CSMD1: variants seen among roughly 807,000 people sequenced by gnomAD.
The protein encoded by CSMD1 is CUB and sushi domain-containing protein 1.
In CSMD1, 213 loss-of-function variants were observed where a neutral mutation model predicts 417.5. The ratio of observed to expected loss-of-function variants is 0.51; its 90% confidence interval spans 0.46 to 0.57. The LOEUF (loss-of-function observed/expected upper bound fraction) is 0.57, where lower values mean the gene tolerates loss of function less well. CSMD1 is among the 20% of genes least tolerant of loss of function. The pLI is 0.00. For missense variants in CSMD1, 6,923 were observed against 4,529.7 expected (o/e 1.53, Z -15.17); for synonymous variants, 2,862 against 1,736.8 (o/e 1.65, Z -16.11).
At chr8:3,964,025 G>A (rs1003820140) in intron 5 of CSMD1, among the ~76,000 whole-genome samples, 2 of 152,174 alleles carry the variant, frequency 1.3e-5, no homozygotes, top group East Asian at 1.9e-4. Context: ...GAAACTTCAT[G>A]CTTTGCATAA....
intron 5 of CSMD1, among the ~76,000 whole-genome samples, chr8:3,979,174 C>A (rs1204940507): frequency 2.0e-5 from 3 of 152,204 alleles, no homozygotes; most frequent in Non-Finnish European, 2.9e-5. Flanking sequence ...CCTGTGAGAT[C>A]TTAGCACACT....
intron 3 of CSMD1, among the ~76,000 whole-genome samples, chr8:4,257,933 C>A (rs1037932082): frequency 6.6e-6 from 1 of 152,122 alleles, no homozygotes; most frequent in Non-Finnish European, 1.5e-5. Context: ...AAAATAATAG[C>A]CTTTTTCAAA....
intron 3 of CSMD1, among the ~76,000 whole-genome samples, chr8:4,302,941 T>A (rs774142655): frequency 9.2e-5 from 14 of 151,962 alleles, no homozygotes; most frequent in Admixed American, 2.6e-4. Flanking sequence ...AAATGCTGCT[T>A]CCCTTTATGC....
At chr8:4,371,241 A>T (rs75240398) in intron 3 of CSMD1, among the ~76,000 whole-genome samples, 1,886 of 152,172 alleles carry the variant, frequency 0.012, 33 homozygotes, top group African/African-American at 0.042. Context: ...GGGGATTAGG[A>T]CCAGGTCAGC....
chr8:3,359,378 T>C (rs1414039610), intron 20 of CSMD1, 38 bp from the exon 21 acceptor site: 3 of 1,526,252 alleles, frequency 2.0e-6, no homozygotes, highest in Middle Eastern at 1.7e-4. Flanking sequence ...CATGAGGATT[T>C]GGGTAAATAC....
chr8:3,114,127 C>G (rs1010873443), intron 42 of CSMD1, among the ~76,000 whole-genome samples: 2 of 152,092 alleles, frequency 1.3e-5, no homozygotes, highest in Non-Finnish European at 2.9e-5. Context: ...GCCTGTGGTC[C>G]TAGCCACTTG....
chr8:3,247,437 C>T (rs1019828840), intron 26 of CSMD1, among the ~76,000 whole-genome samples: 1 of 152,174 alleles, frequency 6.6e-6, no homozygotes, highest in Non-Finnish European at 1.5e-5. Context: ...CCTTGTATCT[C>T]TGACAAACCA....
In CSMD1 at chr8:4,743,489, G is replaced by A. The variant is rs146462288; in HGVS notation, c.86-105931C>T. ...ACGGGCCGGTCAGAAACACCGGAGCGTCAAGTACCATGAACCTCCTGCTTT... is the reference window on the plus strand; with the variant it reads ...ACGGGCCGGTCAGAAACACCGGAGCATCAAGTACCATGAACCTCCTGCTTT... On this transcript the variant is annotated intron_variant, in intron 1 of 69. Coordinates refer to ENST00000635120, the MANE Select transcript of CSMD1 (RefSeq NM_033225.6). 4.7e-4 allele frequency among the ~76,000 whole-genome samples: 72 copies of A among 152,250 alleles called. No homozygotes were observed. In the South Asian group the frequency reaches 8.1e-3, roughly 17 times the overall value.
At chr8:2,963,023 G>C (rs530196320) in intron 60 of CSMD1, among the ~76,000 whole-genome samples, 199 bp downstream of exon 60, 1 of 152,170 alleles carries the variant, frequency 6.6e-6, no homozygotes, top group African/African-American at 2.4e-5. Context: ...ACTCCATCCT[G>C]GGCAACAGAG....
At chr8:4,988,861 C>T (rs533599181) in intron 1 of CSMD1, among the ~76,000 whole-genome samples, 3 of 152,362 alleles carry the variant, frequency 2.0e-5, no homozygotes, top group South Asian at 2.1e-4. Flanking sequence ...TTCCATAAAG[C>T]TCCCTATAAT....
rs758675417 is a variant in CSMD1, at chr8:4,566,952, G to A, written c.302+70390C>T. Among the ~76,000 whole-genome samples, 37 of 139,384 alleles carry A rather than the reference G, an allele frequency of 2.7e-4. 1 individual carries two copies. The highest frequency in any genetic ancestry group is 4.3e-4 in the Non-Finnish European group (27 of 62,604). 91.4% of individuals were successfully genotyped at this position (139,384 alleles called of 152,430 possible). A position where few individuals can be genotyped will look rare whatever the true frequency, so the allele number is the denominator to read the frequency against. On this transcript the variant is annotated intron_variant, in intron 2 of 69. Coordinates refer to ENST00000635120, the MANE Select transcript of CSMD1 (RefSeq NM_033225.6). ...AAACTTTAAAATAACTCTAGCAATC[G>A]AGACTTTAGCAGTCTCTGGAGAAAA... is the stretch of plus-strand genomic sequence containing the variant.
intron 10 of CSMD1, among the ~76,000 whole-genome samples, chr8:3,514,482 A>G (rs556286255): frequency 3.7e-4 from 56 of 152,314 alleles, no homozygotes; most frequent in African/African-American, 1.3e-3. Context: ...CCAGGCTTCA[A>G]TTTTTGGAAT....
At chr8:4,465,612 ATTAAG>A (rs754196786) in intron 2 of CSMD1, among the ~76,000 whole-genome samples, 53 of 152,314 alleles carry the variant, frequency 3.5e-4, no homozygotes, top group Non-Finnish European at 6.5e-4. Context: ...GTTGAGGATT[ATTAAG>A]TTAAGGCCTC....
At chr8:3,795,003 TATAA>T (rs1250499415) in intron 5 of CSMD1, among the ~76,000 whole-genome samples, 1 of 151,208 alleles carries the variant, frequency 6.6e-6, no homozygotes, top group African/African-American at 2.4e-5. Context: ...CATGTATAGC[TATAA>T]ATACATATCT....
At chr8:4,819,109 C>T (rs112491466) in intron 1 of CSMD1, among the ~76,000 whole-genome samples, 2 of 152,164 alleles carry the variant, frequency 1.3e-5, no homozygotes, top group Non-Finnish European at 2.9e-5. Context: ...GCTATTCTAT[C>T]GAAAAGCAAC....
intron 54 of CSMD1, among the ~76,000 whole-genome samples, chr8:2,984,338 C>G (rs1196866904): frequency 6.6e-6 from 1 of 152,014 alleles, no homozygotes; most frequent in African/African-American, 2.4e-5. Flanking sequence ...TGCGTTGAGG[C>G]TATTTATTTA....
At chr8:3,829,574 C>A (rs1802252747) in intron 5 of CSMD1, among the ~76,000 whole-genome samples, 1 of 152,070 alleles carries the variant, frequency 6.6e-6, no homozygotes, top group South Asian at 2.1e-4. Context: ...CTGCTGTAAC[C>A]TCCAGTACTT....
intron 1 of CSMD1, among the ~76,000 whole-genome samples, chr8:4,828,758 G>A (rs758000499): frequency 3.9e-5 from 6 of 152,096 alleles, no homozygotes; most frequent in Admixed American, 2.6e-4. Flanking sequence ...CATTACCTAG[G>A]CTCCTCATGC....
intron 3 of CSMD1, among the ~76,000 whole-genome samples, chr8:4,074,564 A>C (rs1444426739): frequency 6.6e-6 from 1 of 152,146 alleles, no homozygotes; most frequent in African/African-American, 2.4e-5. Flanking sequence ...TGGAAGTTAA[A>C]GGATCCGACA....
Sources: allele counts gnomAD v4.1 joint callset (sites outside exome capture counted in the v4.1 genomes callset), GRCh38; gene constraint gnomAD v4.1.1; transcripts MANE v1.5; gene names NCBI Gene and HGNC (gene_info 2026-07-23, HGNC 2026-07-21).